Variants in HTRA3 observed in about 807,000 individuals in gnomAD.
The protein encoded by HTRA3 is serine protease HTRA3.
Under a neutral mutation model 43.2 loss-of-function variants are expected in HTRA3, and 41 were observed. That is an observed-to-expected ratio of 0.95 (90% CI 0.74 to 1.23). The LOEUF (loss-of-function observed/expected upper bound fraction) is 1.23, where lower values mean the gene tolerates loss of function less well. HTRA3 is among the 50% of genes most tolerant of loss of function. HTRA3 has a pLI of 0.00. For missense variants in HTRA3, 628 were observed against 647.1 expected (o/e 0.97, Z 0.32); for synonymous variants, 295 against 287.9 (o/e 1.02, Z -0.25).
At chr4:8,276,065 G>A (rs1712511278) in intron 1 of HTRA3, among the ~76,000 whole-genome samples, 1 of 152,226 alleles carries the variant, frequency 6.6e-6, no homozygotes, top group South Asian at 2.1e-4. Context: ...CAAGCTGAAA[G>A]CCAGGTCTAG....
chr4:8,300,338 A>T (rs1185788344), intron 6 of HTRA3, among the ~76,000 whole-genome samples: 3 of 152,152 alleles, frequency 2.0e-5, no homozygotes, highest in Non-Finnish European at 2.9e-5. Context: ...ATCTGGTGGA[A>T]TTCTCCAGTG....
In HTRA3 at chr4:8,295,748, C is replaced by T; in HGVS notation, c.1051+1547C>T. On this transcript the variant is annotated intron_variant, in intron 6 of 8. Transcript: ENST00000307358. This position sits in a 1 kb window ranked among gnomAD's most constrained non-coding sequence, Gnocchi z 6.9. ...GGGGGCTTCCTCACGTTTCCCCCTC[C>T]TCCATGACCCCGTCAGCCAAGCACA... 1 of 1,320,548 alleles carries T rather than the reference C, an allele frequency of 7.6e-7. No individual in the cohort carries two copies. Among genetic ancestry groups the T allele is most frequent in the Non-Finnish European group, 9.7e-7 (1 of 1,032,476 alleles). The allele number at this position is 1,320,548 out of a possible 1,614,324, so 81.8% of individuals were successfully genotyped here.
intron 4 of HTRA3, 81 bp downstream of exon 4, chr4:8,291,645 T>A: frequency 1.9e-6 from 2 of 1,076,318 alleles, no homozygotes; most frequent in Admixed American, 5.4e-5. Flanking sequence ...TGACTCGGCT[T>A]GCCCCCCTCC....
intron 1 of HTRA3, among the ~76,000 whole-genome samples, chr4:8,281,989 C>T (rs1463856454): frequency 3.3e-5 from 5 of 152,152 alleles, no homozygotes; most frequent in African/African-American, 1.2e-4. Context: ...CCCCAGGGCT[C>T]GGAGGGACCA....
chr4:8,286,718 T>A lies in HTRA3; in HGVS notation c.643T>A (p.Tyr215Asn). 6.2e-7 allele frequency: 1 copy of A among 1,614,148 alleles called. No homozygotes were observed. Among genetic ancestry groups the A allele is most frequent in the Non-Finnish European group, 8.5e-7 (1 of 1,180,032 alleles). Reference sequence around the variant, plus strand: ...GGTGCAGCTACAGAATGGGGACTCCTATGAGGCCACCATCAAAGACATCGA... The same window carrying A: ...GGTGCAGCTACAGAATGGGGACTCCAATGAGGCCACCATCAAAGACATCGA... ...LKVQLQNGDS[Y>N]EATIKDIDKK... Residue 215 changes from tyrosine to asparagine, a missense_variant, in exon 3 of 9, where the codon TAT becomes AAT. Physicochemically the swap from Tyr to Asn is moderately radical, Grantham distance 143. Transcript: ENST00000307358. This position sits in a 1 kb window ranked among gnomAD's most constrained non-coding sequence, Gnocchi z 4.9.
chr4:8,294,810 C>G (rs559758557), intron 6 of HTRA3, among the ~76,000 whole-genome samples: 81 of 145,004 alleles, frequency 5.6e-4, no homozygotes, highest in African/African-American at 1.8e-3. Context: ...ATCCACCCAC[C>G]CACCCAGCCA....
intron 3 of HTRA3, among the ~76,000 whole-genome samples, chr4:8,288,663 C>T (rs535400129): frequency 6.6e-6 from 1 of 151,920 alleles, no homozygotes; most frequent in African/African-American, 2.4e-5. Context: ...ACCTCCACCT[C>T]CCAGGTTCAA....
chr4:8,284,264 A>G (rs965904082), intron 2 of HTRA3, among the ~76,000 whole-genome samples: 2 of 152,136 alleles, frequency 1.3e-5, no homozygotes, highest in Non-Finnish European at 2.9e-5. Flanking sequence ...GAGACATGTC[A>G]TTGAGGAAAT....
At chr4:8,290,505 C>A (rs567014052) in intron 3 of HTRA3, among the ~76,000 whole-genome samples, 2 of 152,310 alleles carry the variant, frequency 1.3e-5, no homozygotes, top group African/African-American at 4.8e-5. Flanking sequence ...CCACAAGGTC[C>A]CAGGAGACTT....
rs1560144611 is a variant in HTRA3, at chr4:8,304,643, G to GTTTTTTGTGTTTTTTTTTTTTT, written c.1196+370_1196+371insGTGTTTTTTTTTTTTTTTTTTT. ...TAAAGTGGAGATAATTCAGCCTATT[G>GTTTTTTGTGTTTTTTTTTTTTT]TTTTTTTTTTTTTTTTTTTTTTTTT... is the stretch of plus-strand genomic sequence containing the variant. On this transcript the variant is annotated intron_variant, in intron 8 of 8. Coordinates refer to ENST00000307358, the MANE Select transcript of HTRA3 (RefSeq NM_053044.5). Among the ~76,000 whole-genome samples the GTTTTTTGTGTTTTTTTTTTTTT allele has an allele frequency of 4.8e-5, 3 of 62,736 alleles. 1 individual carries two copies. Among genetic ancestry groups the GTTTTTTGTGTTTTTTTTTTTTT allele is most frequent in the Non-Finnish European group, 2.8e-5 (1 of 35,628 alleles). The allele number at this position is 62,736 out of a possible 152,430, so 41.2% of individuals were successfully genotyped here.
intron 3 of HTRA3, among the ~76,000 whole-genome samples, chr4:8,290,253 G>T (rs1384133684): frequency 6.6e-6 from 1 of 152,322 alleles, no homozygotes; most frequent in African/African-American, 2.4e-5. Context: ...GCTCCACGTC[G>T]TCCCCATTAT....
chr4:8,285,004 G>A (rs1377830388), intron 2 of HTRA3, among the ~76,000 whole-genome samples: 1 of 152,138 alleles, frequency 6.6e-6, no homozygotes, highest in East Asian at 1.9e-4. Flanking sequence ...TCTTCTGGGG[G>A]ATGTTGGGGG....
At chr4:8,289,013 A>G (rs1713117072) in intron 3 of HTRA3, among the ~76,000 whole-genome samples, 2 of 149,780 alleles carry the variant, frequency 1.3e-5, no homozygotes, top group African/African-American at 5.0e-5. Flanking sequence ...GCAGTGGCAC[A>G]ATCACAGCTC....
rs1037634869 is a variant in HTRA3 at position 8,295,891 on chromosome 4, A to G, written c.1051+1690A>G. 2 of 1,234,980 alleles carry G rather than the reference A, an allele frequency of 1.6e-6. No homozygotes were observed. The highest frequency in any genetic ancestry group is 1.0e-6 in the Non-Finnish European group (1 of 988,786). 76.5% of individuals were successfully genotyped at this position (1,234,980 alleles called of 1,614,324 possible). On this transcript the variant is annotated intron_variant, in intron 6 of 8. Transcript: ENST00000307358. This position sits in a 1 kb window ranked among gnomAD's most constrained non-coding sequence, Gnocchi z 6.9. ...ATGGGAAGACAATCTGGAGCCAGGC[A>G]GAGCCTGTCTTTCCCAAAGAAGCTG...
chr4:8,290,829 G>C (rs189727029), intron 3 of HTRA3, among the ~76,000 whole-genome samples: 1 of 152,192 alleles, frequency 6.6e-6, no homozygotes, highest in Non-Finnish European at 1.5e-5. Flanking sequence ...GCGGCGTGGG[G>C]TGGAGCTCGG....
chr4:8,277,238 A>C (rs1440140815), intron 1 of HTRA3, among the ~76,000 whole-genome samples: 2 of 152,166 alleles, frequency 1.3e-5, no homozygotes, highest in African/African-American at 4.8e-5. Flanking sequence ...CAAGTTTTCC[A>C]GAGGAGGAAA....
At chr4:8,274,062 C>T (rs570497281) in intron 1 of HTRA3, among the ~76,000 whole-genome samples, 16 of 152,330 alleles carry the variant, frequency 1.1e-4, no homozygotes, top group Admixed American at 3.9e-4. Context: ...CTGCCCATGA[C>T]CTGCAGGCTT....
chr4:8,290,621 G>A (rs1294704048), intron 3 of HTRA3, among the ~76,000 whole-genome samples: 4 of 152,190 alleles, frequency 2.6e-5, no homozygotes, highest in African/African-American at 9.6e-5. Flanking sequence ...AATTTATCGT[G>A]TGTGTGTGTG....
rs1712670518 is a variant in HTRA3 at position 8,279,742 on chromosome 4, C to T, written c.386-2695C>T. On this transcript the variant is annotated intron_variant, in intron 1 of 8. Coordinates refer to ENST00000307358, the MANE Select transcript of HTRA3 (RefSeq NM_053044.5). This position sits in a 1 kb window ranked among gnomAD's most constrained non-coding sequence, Gnocchi z 7.4. The stretch of plus-strand genomic sequence containing the variant: ...GCTGCCTGCACAGGCAATGCGGGCT[C>T]AGCCTGTGGCTTTCCATGTGCTGTG... 6.6e-6 allele frequency among the ~76,000 whole-genome samples: 1 copy of T among 152,190 alleles called. No homozygotes were observed. Among genetic ancestry groups the T allele is most frequent in the Non-Finnish European group, 1.5e-5 (1 of 68,020 alleles).
Sources: allele counts gnomAD v4.1 joint callset (sites outside exome capture counted in the v4.1 genomes callset), GRCh38; gene constraint gnomAD v4.1.1; non-coding constraint Gnocchi (gnomAD v3.1); transcripts MANE v1.5; gene names NCBI Gene and HGNC (gene_info 2026-07-23, HGNC 2026-07-21).